KDM8: variants seen among roughly 807,000 people sequenced by gnomAD.
KDM8 encodes the protein bifunctional peptidase and arginyl-hydroxylase JMJD5.
A neutral mutation model predicts 46.9 loss-of-function variants in KDM8; 35 were observed. The ratio of observed to expected loss-of-function variants is 0.75; its 90% CI spans 0.57 to 0.99. KDM8 has a LOEUF of 0.99. Ranked by LOEUF, KDM8 falls within the 50% of genes least tolerant of loss-of-function variation. The pLI is 0.00. For missense variants in KDM8, 475 were observed against 537.0 expected (o/e 0.88, Z 1.14); for synonymous variants, 232 against 227.7 (o/e 1.02, Z -0.17).
chr16:27,213,949 T>G, intron 3 of KDM8, 198 bp downstream of exon 3: 1 of 564,666 alleles, frequency 1.8e-6, no homozygotes. Flanking sequence ...ATGGGATTCT[T>G]ACCTTCTACC....
chr16:27,203,981 C>T, intron 1 of KDM8: 2 of 825,198 alleles, frequency 2.4e-6, no homozygotes, highest in Non-Finnish European at 3.7e-6. Flanking sequence ...GCCTAGTGCG[C>T]CTGCGCGGGT....
rs554671270 is a variant in KDM8 at position 27,219,195 on chromosome 16, G to A, written c.993+85G>A. ...GCCACATTCTCTGCCTTTAAACACC[G>A]GGCTCTTAAAAAGAAACAAGAAGCA... On this transcript the variant is annotated intron_variant, in intron 6 of 7. Coordinates refer to ENST00000286096, the MANE Select transcript of KDM8 (RefSeq NM_024773.3). 18 of 1,371,556 alleles carry A rather than the reference G, an allele frequency of 1.3e-5. 1 individual carries two copies. In the East Asian group the frequency reaches 1.8e-4, roughly 13 times the overall value. 85.0% of individuals were successfully genotyped at this position (1,371,556 alleles called of 1,614,324 possible).
chr16:27,213,941 G>A (rs978142615), intron 3 of KDM8, 190 bp downstream of exon 3: 24 of 598,554 alleles, frequency 4.0e-5, no homozygotes, highest in Non-Finnish European at 4.2e-5. Flanking sequence ...CGCAGGTTAT[G>A]GGATTCTTAC....
rs2083474408 is a variant in KDM8 at position 27,210,689 on chromosome 16, GTCA to G, written c.498+71_498+73del. The stretch of plus-strand genomic sequence containing the variant: ...AACCCTGTTGTTCTAGAAATTCCGA[GTCA>G]TCTCTCCCCTGGGGTGAGGCCTCGT... On this transcript the variant is annotated intron_variant, in intron 2 of 7. Transcript: ENST00000286096. 8.3e-6 allele frequency: 12 copies of G among 1,453,402 alleles called. No individual in the cohort carries two copies. In the South Asian group the frequency reaches 1.7e-4, roughly 20 times the overall value. The allele number at this position is 1,453,402 out of a possible 1,614,324, so 90.0% of individuals were successfully genotyped here.
chr16:27,216,059 G>C, intron 5 of KDM8, 70 bp downstream of exon 5: 2 of 1,534,156 alleles, frequency 1.3e-6, no homozygotes, highest in Non-Finnish European at 1.8e-6. Context: ...CCTGGGCTCA[G>C]TGCGGCTGGA....
In KDM8 at chr16:27,213,640, C is replaced by G; in HGVS notation, c.554C>G (p.Pro185Arg). The change falls in exon 3 of 8, where the codon CCC (proline) becomes CGC (arginine). Residue 185 changes from proline (P) to arginine (R), a missense_variant. Pro to Arg is a moderately radical substitution (Grantham distance 103, BLOSUM62 -2). Coordinates refer to ENST00000286096, the MANE Select transcript of KDM8 (RefSeq NM_024773.3). ...IPDVKLEKTV[P>R]RLHRPSLQHF... is the part of the protein sequence containing the mutation. Reference sequence around the variant, plus strand: ...GATGTGAAGTTAGAAAAAACAGTCCCCCGGCTGCACCGTCCGTCCCTCCAG... The same window carrying G: ...GATGTGAAGTTAGAAAAAACAGTCCGCCGGCTGCACCGTCCGTCCCTCCAG... The G allele has an allele frequency of 6.2e-7, 1 of 1,614,148 alleles. No homozygotes were observed. Among genetic ancestry groups the G allele is most frequent in the Non-Finnish European group, 8.5e-7 (1 of 1,180,032 alleles).
chr16:27,207,776 G>A (rs1187021076), intron 1 of KDM8, among the ~76,000 whole-genome samples: 1 of 152,112 alleles, frequency 6.6e-6, no homozygotes, highest in Non-Finnish European at 1.5e-5. Context: ...TTAGAGACAG[G>A]GTCTTTACAT....
At chr16:27,213,400 C>A (rs906329214) in intron 2 of KDM8, 185 bp from the exon 3 acceptor site, 2 of 534,122 alleles carry the variant, frequency 3.7e-6, no homozygotes, top group Non-Finnish European at 6.4e-6. Flanking sequence ...AAGAAAAAAA[C>A]CACCTTGATC....
Position 27,220,603 on chromosome 16 carries a change from A to C in KDM8, c.1124A>C (p.Lys375Thr), listed in dbSNP as rs139266266. 9 of 1,613,968 alleles carry C rather than the reference A, an allele frequency of 5.6e-6. No individual in the cohort carries two copies. In the African/African-American group the frequency reaches 9.3e-5, roughly 17 times the overall value. ...AATCCCGACCTGGAAAAGTTCCCCAAGTTTGCCAAGGCCCCATTCCTGTCC... is the reference window on the plus strand; with the variant it reads ...AATCCCGACCTGGAAAAGTTCCCCACGTTTGCCAAGGCCCCATTCCTGTCC... The part of the protein sequence containing the change: ...VENPDLEKFP[K>T]FAKAPFLSCI... Residue 375 changes from lysine (K) to threonine (T), a missense_variant, in exon 8 of 8, where the codon AAG (lysine) becomes ACG (threonine). By Grantham distance (78) the Lys-to-Thr change is moderately conservative. Coordinates refer to ENST00000286096, the MANE Select transcript of KDM8 (RefSeq NM_024773.3).
intron 1 of KDM8, chr16:27,204,020 G>C (rs1464494679): frequency 1.5e-6 from 2 of 1,338,314 alleles, no homozygotes; most frequent in South Asian, 1.3e-5. Flanking sequence ...TGTGTCCGCT[G>C]CTTTTAGGCA....
chr16:27,203,726 T>A (rs924447900), intron 1 of KDM8, 90 bp downstream of exon 1: 1 of 227,706 alleles, frequency 4.4e-6, no homozygotes, highest in Non-Finnish European at 8.8e-6. Flanking sequence ...GCAGGCGTCA[T>A]GTGAAGCAGC....
At position 27,220,917 on chromosome 16, in the gene KDM8, A is replaced by G; in HGVS notation, c.*187A>G. The stretch of plus-strand genomic sequence containing the variant: ...AGGCACAGAGCAGGGGCTGCCCAGG[A>G]AGGAGCACACTCCAGGCCAGGGGTG... On this transcript the variant is annotated 3_prime_UTR_variant, in exon 8 of 8. Transcript: ENST00000286096. 5.5e-6 allele frequency: 4 copies of G among 721,038 alleles called. No homozygotes were observed. The highest frequency in any genetic ancestry group is 4.5e-5 in the South Asian group (3 of 67,382). 44.7% of individuals were successfully genotyped at this position (721,038 alleles called of 1,614,324 possible). A position where few individuals can be genotyped will look rare whatever the true frequency, so the allele number is the denominator to read the frequency against.
intron 5 of KDM8, 49 bp from the exon 6 acceptor site, chr16:27,218,912 G>A: frequency 6.2e-7 from 1 of 1,611,332 alleles, no homozygotes; most frequent in Non-Finnish European, 8.5e-7. Flanking sequence ...CCGGGCTGCG[G>A]TGTCCCCAGC....
rs879215655 is a variant in KDM8 at position 27,210,259 on chromosome 16, G to A, written c.136G>A (p.Val46Met). ...DLGEKVERSV[V>M]TLLQRATELF... ...CGGGGAGAAAGTGGAGAGGAGCGTG[G>A]TGACATTGTTGCAGCGAGCCACTGA... Residue 46 changes from valine (V) to methionine (M), a missense_variant, in exon 2 of 8, where the codon GTG (valine) becomes ATG (methionine). Physicochemically the swap from Val to Met is conservative, Grantham distance 21. Coordinates refer to ENST00000286096, the MANE Select transcript of KDM8 (RefSeq NM_024773.3). The A allele has an allele frequency of 1.2e-6, 2 of 1,613,242 alleles. No individual in the cohort carries two copies. The highest frequency in any genetic ancestry group is 2.2e-5 in the South Asian group (2 of 91,084).
rs1293548709 is a variant in KDM8, at chr16:27,215,962, C to A, written c.816C>A (p.Tyr272Ter). 1.9e-6 allele frequency: 3 copies of A among 1,614,156 alleles called. No homozygotes were observed. The highest frequency in any genetic ancestry group is 2.5e-6 in the Non-Finnish European group (3 of 1,180,022). ...TGGATTAGCCAAGGGACGTCGGGTA[C>A]CTTGCTCAGCACCAGCTCTTTGACC... ...YIVNEPRDVG[Y>*]LAQHQLFDQI... The change falls in exon 5 of 8, where the codon TAC becomes TAA. Residue 272 changes from tyrosine to a stop codon, truncating the protein, a stop_gained. Coordinates refer to ENST00000286096, the MANE Select transcript of KDM8 (RefSeq NM_024773.3). LOFTEE classifies it high-confidence loss of function.
intron 2 of KDM8, chr16:27,211,135 TTTTTG>T: frequency 2.3e-6 from 1 of 444,424 alleles, no homozygotes; most frequent in Non-Finnish European, 4.5e-6. Flanking sequence ...TTTTTTTTTT[TTTTTG>T]CAAAGGCAGC....
intron 3 of KDM8, chr16:27,214,356 C>T (rs75470674): frequency 0.015 from 2,336 of 158,262 alleles, 64 homozygotes; most frequent in African/African-American, 0.053. Context: ...AGCAAGGCTT[C>T]ATTAAGCATT....
intron 5 of KDM8, 82 bp from the exon 6 acceptor site, chr16:27,218,879 T>C (rs2083583865): frequency 6.8e-7 from 1 of 1,461,046 alleles, no homozygotes; most frequent in East Asian, 2.3e-5. Context: ...TATAGGTATG[T>C]GTTTCTGACT....
At chr16:27,215,068 G>C in intron 4 of KDM8, 60 bp downstream of exon 4, 1 of 1,581,422 alleles carries the variant, frequency 6.3e-7, no homozygotes, top group Non-Finnish European at 8.7e-7. Context: ...AGTACATTTA[G>C]GCAAATAACC....
Sources: gnomAD v4.1 joint callset for allele counts (sites outside exome capture counted in the v4.1 genomes callset) on GRCh38, gnomAD v4.1.1 for gene constraint, MANE v1.5 for transcripts, NCBI Gene and HGNC (gene_info 2026-07-23, HGNC 2026-07-21) for gene names.